FERMT2: variants seen among roughly 807,000 people sequenced by gnomAD.
FERMT2 encodes FERM domain containing kindlin 2, also known as fermitin family homolog 2.
A neutral mutation model predicts 82.7 loss-of-function variants in FERMT2; 15 were observed. The observed-to-expected ratio is 0.18, with a 90% CI of 0.12 to 0.28. The LOEUF is 0.28. Among genes scored for constraint, FERMT2 ranks in the 10% least tolerant of loss-of-function variants. FERMT2 has a pLI of 1.00. For synonymous variants in FERMT2, 274 were observed against 271.5 expected (o/e 1.01, Z -0.09); for missense variants, 645 against 809.4 (o/e 0.80, Z 2.46).
Position 52,893,323 on chromosome 14 carries a change from A to G in FERMT2, c.496T>C (p.Leu166=), listed in dbSNP as rs1887061925. The change falls in exon 4 of 15, where the codon TTA becomes CTA. Residue 166 remains leucine, a synonymous_variant. Coordinates refer to ENST00000341590, the MANE Select transcript of FERMT2 (RefSeq NM_006832.3). Reference sequence around the variant, plus strand: ...CCAGGAGTGATAAGAGGCCCCTCTAATTCAAGTGCCTCATCTTCAGACTGG... The same window carrying G: ...CCAGGAGTGATAAGAGGCCCCTCTAGTTCAAGTGCCTCATCTTCAGACTGG... ...DDQSEDEALE[L]EGPLITPGSG... 5 of 1,610,730 alleles carry G rather than the reference A, an allele frequency of 3.1e-6. No individual in the cohort carries two copies. Among genetic ancestry groups the G allele is most frequent in the Non-Finnish European group, 4.2e-6 (5 of 1,179,116 alleles).
chr14:52,950,514 C>T lies in FERMT2; in HGVS notation c.55G>A (p.Glu19Lys), dbSNP rs765933489. 1.2e-6 allele frequency: 2 copies of T among 1,614,136 alleles called. No homozygotes were observed. Reference sequence around the variant, plus strand: ...AGGTCCGTCACATGGACACTCAGTTCCCACGTCCCGTCCGCGTAGCAGCCA... The same window carrying T: ...AGGTCCGTCACATGGACACTCAGTTTCCACGTCCCGTCCGCGTAGCAGCCA... Reference protein sequence around the residue: ...PDGCYADGTWELSVHVTDLNR... With the variant: ...PDGCYADGTWKLSVHVTDLNR... The change falls in exon 2 of 15, where the codon GAA (glutamate) becomes AAA (lysine). Residue 19 changes from glutamate to lysine, a missense_variant. Glu to Lys is a moderately conservative substitution (Grantham distance 56). Transcript: ENST00000341590.
chr14:52,875,281 T>A lies in FERMT2; in HGVS notation c.1040A>T (p.Asp347Val). ...AATCTCCAGGTCTGAAAGGGCAGCATCAACTTCATCAACTTCTTTGTCACT... is the reference window on the plus strand; with the variant it reads ...AATCTCCAGGTCTGAAAGGGCAGCAACAACTTCATCAACTTCTTTGTCACT... ...NNSDKEVDEV[D>V]AALSDLEITL... The change falls in exon 8 of 15, where the codon GAT (aspartate) becomes GTT (valine). Residue 347 changes from aspartate to valine, a missense_variant. By Grantham distance (152) the Asp-to-Val change is radical (BLOSUM62 -3). Coordinates refer to ENST00000341590, the MANE Select transcript of FERMT2 (RefSeq NM_006832.3). The A allele has an allele frequency of 6.2e-7, 1 of 1,612,444 alleles. No individual in the cohort carries two copies. The highest frequency in any genetic ancestry group is 8.5e-7 in the Non-Finnish European group (1 of 1,178,562).
At chr14:52,905,176 G>A (rs1175755882) in intron 3 of FERMT2, among the ~76,000 whole-genome samples, 48 of 125,200 alleles carry the variant, frequency 3.8e-4, no homozygotes, top group African/African-American at 1.3e-3. Context: ...GGAACAGAGC[G>A]AGACTCCATC....
At chr14:52,878,335 C>A (rs566005903) in intron 7 of FERMT2, among the ~76,000 whole-genome samples, 1 of 152,070 alleles carries the variant, frequency 6.6e-6, no homozygotes, top group Admixed American at 6.5e-5. Flanking sequence ...TTTTTTCCTA[C>A]AAAATAGGAT....
chr14:52,928,328 A>G (rs1263063258), intron 2 of FERMT2: 2 of 172,572 alleles, frequency 1.2e-5, no homozygotes, highest in Admixed American at 5.7e-5. Context: ...TAATATTGTA[A>G]TTCTCTGTAC....
intron 5 of FERMT2, 21 bp downstream of exon 5, chr14:52,881,223 T>C (rs1164326247): frequency 1.9e-6 from 3 of 1,605,496 alleles, no homozygotes; most frequent in Non-Finnish European, 2.6e-6. Flanking sequence ...AATTCAATTT[T>C]ATCTATATCT....
At chr14:52,858,700 C>G in intron 14 of FERMT2, 150 bp from the exon 15 acceptor site, 1 of 619,244 alleles carries the variant, frequency 1.6e-6, no homozygotes, top group Non-Finnish European at 2.7e-6. Flanking sequence ...ACGAATAATG[C>G]CTTTAAGTCC....
In FERMT2 at chr14:52,857,331, T is replaced by TG. The variant is rs555239485; in HGVS notation, c.*1045dup. 6.0e-4 allele frequency: 92 copies of TG among 152,742 alleles called. No homozygotes were observed. The highest frequency in any genetic ancestry group is 2.2e-3 in the African/African-American group (92 of 41,576). 9.5% of individuals were successfully genotyped at this position (152,742 alleles called of 1,614,324 possible). A position where few individuals can be genotyped will look rare whatever the true frequency, so the allele number is the denominator to read the frequency against. ...ATGCATTTATACAGTCTTTGAACCATGGATTATTGAACAATACTGGTAATC... is the reference window on the plus strand; with the variant it reads ...ATGCATTTATACAGTCTTTGAACCATGGGATTATTGAACAATACTGGTAATC... On this transcript the variant is annotated 3_prime_UTR_variant, in exon 15 of 15. Transcript: ENST00000341590.
At chr14:52,905,577 C>A (rs188319507) in intron 3 of FERMT2, among the ~76,000 whole-genome samples, 1 of 152,156 alleles carries the variant, frequency 6.6e-6, no homozygotes, top group East Asian at 1.9e-4. Context: ...GATGGAGAGA[C>A]GTGGAAAGAC....
chr14:52,859,819 T>C lies in FERMT2; in HGVS notation c.1728-105A>G, dbSNP rs146496320. 3.0e-3 allele frequency: 1,889 copies of C among 619,436 alleles called. 34 individuals carry two copies. The African/African-American group carries it at 0.034, about 11-fold the overall frequency. 38.4% of individuals were successfully genotyped at this position (619,436 alleles called of 1,614,324 possible). ...CTCTCTAACCCTAAAAGAGTACTAT[T>C]CTTTTTTTTTTTTTTTGAGACGGAG... is the stretch of plus-strand genomic sequence containing the variant. On this transcript the variant is annotated intron_variant, in intron 13 of 14. Transcript: ENST00000341590.
At chr14:52,891,830 A>G (rs1443726290) in intron 4 of FERMT2, among the ~76,000 whole-genome samples, 2 of 152,202 alleles carry the variant, frequency 1.3e-5, no homozygotes, top group Admixed American at 6.5e-5. Flanking sequence ...GCCCACGATT[A>G]AAGAACAATA....
At chr14:52,863,825 T>G (rs1468390301) in intron 12 of FERMT2, 2 of 152,216 alleles carry the variant, frequency 1.3e-5, no homozygotes, top group Non-Finnish European at 1.5e-5. Flanking sequence ...ATGTCACATT[T>G]ACTTAATTAT....
intron 3 of FERMT2, among the ~76,000 whole-genome samples, chr14:52,904,727 G>T (rs1887890457): frequency 6.7e-6 from 1 of 149,262 alleles, no homozygotes; most frequent in Non-Finnish European, 1.5e-5. Flanking sequence ...AACCAGCCTG[G>T]GAAATATGAT....
chr14:52,931,771 G>A (rs1297933549), intron 2 of FERMT2, among the ~76,000 whole-genome samples: 1 of 152,250 alleles, frequency 6.6e-6, no homozygotes, highest in Non-Finnish European at 1.5e-5. Context: ...GCTCACGCCT[G>A]TAATCCCAGC....
chr14:52,890,364 A>T (rs1011915174), intron 4 of FERMT2, among the ~76,000 whole-genome samples: 7 of 148,638 alleles, frequency 4.7e-5, no homozygotes, highest in African/African-American at 1.5e-4. Context: ...GAATCGCTTG[A>T]ACCCAGGAGG....
At chr14:52,887,778 GTAACGAAAATTACTTAACTAAAGT>G (rs1213824744) in intron 4 of FERMT2, among the ~76,000 whole-genome samples, 2 of 151,898 alleles carry the variant, frequency 1.3e-5, no homozygotes, top group Admixed American at 1.3e-4. Flanking sequence ...ACTTAACTAA[GTAACGAAAATTACTTAACTAAAGT>G]TAACTAAAAT....
At chr14:52,879,502 G>C (rs965223242) in intron 6 of FERMT2, among the ~76,000 whole-genome samples, 4 of 152,080 alleles carry the variant, frequency 2.6e-5, no homozygotes, top group African/African-American at 9.7e-5. Flanking sequence ...AATTAGGAAT[G>C]CTCAACATGT....
At chr14:52,866,235 C>A (rs1302318902) in intron 10 of FERMT2, among the ~76,000 whole-genome samples, 7 of 152,176 alleles carry the variant, frequency 4.6e-5, no homozygotes, top group Non-Finnish European at 1.0e-4. Flanking sequence ...TTCCATGCCA[C>A]CTCAGCTACC....
At chr14:52,928,731 C>T (rs1360432540) in intron 2 of FERMT2, among the ~76,000 whole-genome samples, 1 of 152,158 alleles carries the variant, frequency 6.6e-6, no homozygotes, top group African/African-American at 2.4e-5. Context: ...CAGTAGACAA[C>T]CATGGATTCT....
Sources: gnomAD v4.1 joint callset for allele counts (sites outside exome capture counted in the v4.1 genomes callset) on GRCh38, gnomAD v4.1.1 for gene constraint, MANE v1.5 for transcripts, NCBI Gene and HGNC (gene_info 2026-07-23, HGNC 2026-07-21) for gene names.